Variants in CACNG3 observed in about 807,000 individuals in gnomAD.
The protein encoded by CACNG3 is voltage-dependent calcium channel gamma-3 subunit.
In CACNG3, 3 loss-of-function variants were observed where a neutral mutation model predicts 28.5. That is an observed-to-expected ratio of 0.11 (90% CI 0.05 to 0.27). The LOEUF is 0.27. Among genes scored for constraint, CACNG3 ranks in the 10% least tolerant of loss-of-function variants. The probability of loss-of-function intolerance (pLI) is 1.00; values close to 1 mark genes in which losing one functional copy is unlikely to be tolerated. For missense variants in CACNG3, 236 were observed against 414.4 expected (o/e 0.57, Z 3.74); for synonymous variants, 174 against 162.2 (o/e 1.07, Z -0.55).
At chr16:24,315,638 T>C (rs148249897) in intron 1 of CACNG3, among the ~76,000 whole-genome samples, 1 of 150,002 alleles carries the variant, frequency 6.7e-6, no homozygotes, top group African/African-American at 2.4e-5. Context: ...CTCTCTTCCT[T>C]TCTCTCTCTC....
chr16:24,276,986 G>A (rs534110528), intron 1 of CACNG3, among the ~76,000 whole-genome samples: 1 of 152,346 alleles, frequency 6.6e-6, no homozygotes, highest in Non-Finnish European at 1.5e-5. Context: ...TTGGGAAATG[G>A]AAGGGTCTAG....
chr16:24,324,812 T>A (rs1217676848), intron 1 of CACNG3, among the ~76,000 whole-genome samples: 1 of 152,098 alleles, frequency 6.6e-6, no homozygotes. Flanking sequence ...CAGCTTATGC[T>A]ACTACAAGGC....
intron 1 of CACNG3, among the ~76,000 whole-genome samples, chr16:24,320,545 AC>A (rs1899442554): frequency 6.6e-6 from 1 of 152,156 alleles, no homozygotes; most frequent in African/African-American, 2.4e-5. Context: ...TAATGCTAAT[AC>A]TAATATACCA....
intron 1 of CACNG3, among the ~76,000 whole-genome samples, chr16:24,313,902 A>G (rs1397380429): frequency 6.6e-6 from 1 of 151,480 alleles, no homozygotes; most frequent in East Asian, 1.9e-4. Flanking sequence ...GCACCACCAC[A>G]CCTGGCTAAT....
At chr16:24,327,918 T>C (rs889330967) in intron 1 of CACNG3, among the ~76,000 whole-genome samples, 2 of 152,066 alleles carry the variant, frequency 1.3e-5, no homozygotes, top group Non-Finnish European at 2.9e-5. Flanking sequence ...CTCCTGAGTG[T>C]CACAGAAAGA....
chr16:24,356,093 C>A (rs559263338), intron 3 of CACNG3, among the ~76,000 whole-genome samples: 1 of 152,264 alleles, frequency 6.6e-6, no homozygotes, highest in South Asian at 2.1e-4. Flanking sequence ...TTGCTTTCAC[C>A]CCTTTACCAT....
At chr16:24,351,442 T>G (rs1056411679) in intron 2 of CACNG3, among the ~76,000 whole-genome samples, 8 of 151,646 alleles carry the variant, frequency 5.3e-5, no homozygotes, top group Non-Finnish European at 1.2e-4. Context: ...TATGGTGGCA[T>G]GCGCCTGTAG....
intron 1 of CACNG3, among the ~76,000 whole-genome samples, chr16:24,267,919 C>T (rs769470225): frequency 6.6e-6 from 1 of 152,202 alleles, no homozygotes; most frequent in Non-Finnish European, 1.5e-5. Context: ...AATCTGCCCA[C>T]CTTGGCCTCC....
intron 1 of CACNG3, among the ~76,000 whole-genome samples, chr16:24,305,404 G>C (rs891565101): frequency 1.3e-5 from 2 of 150,238 alleles, no homozygotes; most frequent in African/African-American, 4.9e-5. Flanking sequence ...TGTCACCCAG[G>C]CTGGAGTGGA....
intron 1 of CACNG3, among the ~76,000 whole-genome samples, chr16:24,292,522 T>A (rs554526694): frequency 9.8e-4 from 149 of 152,306 alleles, no homozygotes; most frequent in African/African-American, 3.6e-3. Context: ...TGCATCATCA[T>A]CCCTGGAGCT....
intron 1 of CACNG3, among the ~76,000 whole-genome samples, chr16:24,279,947 A>G (rs1596625405): frequency 6.6e-6 from 1 of 152,332 alleles, no homozygotes; most frequent in Middle Eastern, 3.4e-3. Context: ...GCACTGCCCA[A>G]GAACTCATGA....
rs1457941046 is a variant in CACNG3, at chr16:24,351,770, A to AG, written c.296-3063_296-3062insG. Among the ~76,000 whole-genome samples, 992 of 149,774 alleles carry AG rather than the reference A, an allele frequency of 6.6e-3. 12 individuals carry two copies. The highest frequency in any genetic ancestry group is 0.023 in the African/African-American group (926 of 40,788). ...AAGGAAGGAAGGAAGAGAGAGAGAG[A>AG]AAGAAAGATTGGGCAGTTTCAAAAC... is the stretch of plus-strand genomic sequence containing the variant. On this transcript the variant is annotated intron_variant, in intron 2 of 3. Coordinates refer to ENST00000005284, the MANE Select transcript of CACNG3 (RefSeq NM_006539.4).
At position 24,302,635 on chromosome 16, in the gene CACNG3, T is replaced by TTTTTGTTTTG. The variant is rs60301738; in HGVS notation, c.212-44066_212-44057dup. Among the ~76,000 whole-genome samples the TTTTTGTTTTG allele has an allele frequency of 4.3e-3, 645 of 148,768 alleles. 1 individual carries two copies. The highest frequency in any genetic ancestry group is 6.1e-3 in the Non-Finnish European group (408 of 67,388). ...ATGCCCAGCTAAATTTTTTTGTTTG[T>TTTTTGTTTTG]TTTTGTTTTGTTTTGTTTTGTTTTG... is the stretch of plus-strand genomic sequence containing the variant. On this transcript the variant is annotated intron_variant, in intron 1 of 3. Coordinates refer to ENST00000005284, the MANE Select transcript of CACNG3 (RefSeq NM_006539.4).
chr16:24,350,580 G>C (rs1360056520), intron 2 of CACNG3, among the ~76,000 whole-genome samples: 2 of 152,134 alleles, frequency 1.3e-5, no homozygotes, highest in African/African-American at 4.8e-5. Context: ...GAGATTACAG[G>C]CGTGAGCCAC....
intron 2 of CACNG3, among the ~76,000 whole-genome samples, chr16:24,354,533 G>A (rs1900002721): frequency 6.6e-6 from 1 of 152,180 alleles, no homozygotes; most frequent in Admixed American, 6.5e-5. Flanking sequence ...TTCCACATAA[G>A]TCAAGTCTCC....
At chr16:24,285,435 C>A (rs1898880184) in intron 1 of CACNG3, among the ~76,000 whole-genome samples, 1 of 152,196 alleles carries the variant, frequency 6.6e-6, no homozygotes, top group South Asian at 2.1e-4. Flanking sequence ...AACTCATCCC[C>A]TTCCAAAGTA....
At chr16:24,340,667 C>G (rs1395996330) in intron 1 of CACNG3, among the ~76,000 whole-genome samples, 2 of 152,202 alleles carry the variant, frequency 1.3e-5, no homozygotes, top group Non-Finnish European at 2.9e-5. Flanking sequence ...ACAATCTTCT[C>G]TCCCCAGGAT....
chr16:24,359,602 CTG>C (rs1052271068), intron 3 of CACNG3, among the ~76,000 whole-genome samples: 1 of 152,056 alleles, frequency 6.6e-6, no homozygotes, highest in Non-Finnish European at 1.5e-5. Flanking sequence ...TGGCTCATGT[CTG>C]TAATCCCAAC....
chr16:24,349,521 C>T (rs975218173), intron 2 of CACNG3, among the ~76,000 whole-genome samples: 2 of 152,070 alleles, frequency 1.3e-5, no homozygotes, highest in East Asian at 1.9e-4. Flanking sequence ...AAGGGGTAGG[C>T]GATTCCAGGA....
Sources: allele counts gnomAD v4.1 joint callset (sites outside exome capture counted in the v4.1 genomes callset), GRCh38; gene constraint gnomAD v4.1.1; transcripts MANE v1.5; gene names NCBI Gene and HGNC (gene_info 2026-07-23, HGNC 2026-07-21).